Variants in MYO1D observed in about 807,000 individuals in gnomAD.
The protein encoded by MYO1D is myosin ID.
Under a neutral mutation model 122.0 loss-of-function variants are expected in MYO1D, and 83 were observed. That is an observed-to-expected ratio of 0.68 (90% CI 0.57 to 0.82). MYO1D has a LOEUF of 0.82. Ranked by LOEUF, MYO1D falls within the 40% of genes least tolerant of loss-of-function variation. The pLI, the probability that MYO1D is intolerant of heterozygous loss-of-function variation, is 0.00. For synonymous variants in MYO1D, 464 were observed against 446.9 expected, an observed-to-expected ratio of 1.04 and a Z score of -0.48; for missense variants, 1,157 against 1,269.5, an observed-to-expected ratio of 0.91 and a Z score of 1.35.
intron 21 of MYO1D, among the ~76,000 whole-genome samples, chr17:32,508,164 G>A (rs1327521538): frequency 6.6e-6 from 1 of 151,224 alleles, no homozygotes; most frequent in African/African-American, 2.4e-5. Flanking sequence ...CAAAGTGCTG[G>A]GATTCCAGGT....
At chr17:32,576,080 A>G (rs962763838) in intron 21 of MYO1D, among the ~76,000 whole-genome samples, 2 of 152,202 alleles carry the variant, frequency 1.3e-5, no homozygotes, top group African/African-American at 4.8e-5. Context: ...AGACTTCAAG[A>G]ACAAAATCAG....
chr17:32,868,602 G>A (rs1443750633), intron 1 of MYO1D, among the ~76,000 whole-genome samples: 1 of 152,124 alleles, frequency 6.6e-6, no homozygotes, highest in Non-Finnish European at 1.5e-5. Context: ...ATGGGGTCAG[G>A]GTAGGGAGGT....
intron 21 of MYO1D, among the ~76,000 whole-genome samples, chr17:32,525,287 A>T (rs112737632): frequency 0.02 from 3,093 of 152,336 alleles, 128 homozygotes; most frequent in African/African-American, 0.072. Flanking sequence ...TCTCACTGAG[A>T]GACCTGATCC....
chr17:32,726,680 G>C (rs1462237214), intron 14 of MYO1D, among the ~76,000 whole-genome samples: 1 of 148,708 alleles, frequency 6.7e-6, no homozygotes, highest in Non-Finnish European at 1.5e-5. Flanking sequence ...TATAGATACA[G>C]ATAATATAGA....
chr17:32,543,919 A>G (rs1964198), intron 21 of MYO1D, among the ~76,000 whole-genome samples: 64,725 of 151,754 alleles, frequency 0.43, 14,264 homozygotes, highest in Middle Eastern at 0.48. Context: ...CAGCCTCCCT[A>G]GTAGCTGGGA....
chr17:32,573,944 C>T (rs1263807280), intron 21 of MYO1D, among the ~76,000 whole-genome samples: 1 of 152,230 alleles, frequency 6.6e-6, no homozygotes, highest in Non-Finnish European at 1.5e-5. Context: ...CTCCGCCCCC[C>T]AGGGTTCACG....
chr17:32,853,669 T>C (rs925469341), intron 1 of MYO1D, among the ~76,000 whole-genome samples: 7 of 152,230 alleles, frequency 4.6e-5, no homozygotes, highest in Non-Finnish European at 5.9e-5. Context: ...AAACCTAGCA[T>C]ATAGTTGATG....
Position 32,771,254 on chromosome 17 carries a change from G to T in MYO1D, c.619-34C>A, listed in dbSNP as rs758572191. On this transcript the variant is annotated intron_variant, in intron 5 of 21. Coordinates refer to ENST00000318217, the MANE Select transcript of MYO1D (RefSeq NM_015194.3). ...TATTTAATTAGAAATAAATTGGCCA[G>T]ACATACATTGAACCAAACATGAACT... 10 of 1,461,998 alleles carry T rather than the reference G, an allele frequency of 6.8e-6. No homozygotes were observed. The South Asian group carries it at 1.1e-4, about 15-fold the overall frequency. The allele number at this position is 1,461,998 out of a possible 1,614,324, so 90.6% of individuals were successfully genotyped here.
intron 21 of MYO1D, among the ~76,000 whole-genome samples, chr17:32,603,157 AC>A (rs1236397031): frequency 6.6e-6 from 1 of 152,164 alleles, no homozygotes; most frequent in Admixed American, 6.5e-5. Context: ...AAAAATCCTT[AC>A]ATACATTAAA....
At chr17:32,546,560 T>C (rs1451772222) in intron 21 of MYO1D, among the ~76,000 whole-genome samples, 1 of 152,258 alleles carries the variant, frequency 6.6e-6, no homozygotes, top group Non-Finnish European at 1.5e-5. Flanking sequence ...AATTCCTATG[T>C]GCTGGCTGCT....
intron 16 of MYO1D, among the ~76,000 whole-genome samples, chr17:32,710,077 C>T (rs1339649961): frequency 6.6e-6 from 1 of 152,048 alleles, no homozygotes. Context: ...TAAACTTATG[C>T]ACTTAAAATG....
chr17:32,687,959 G>A (rs1206863506), intron 16 of MYO1D, among the ~76,000 whole-genome samples: 1 of 152,090 alleles, frequency 6.6e-6, no homozygotes, highest in East Asian at 1.9e-4. Flanking sequence ...GAAGAGATCA[G>A]ACACATCTGC....
At chr17:32,649,985 T>C (rs1207323683) in intron 19 of MYO1D, among the ~76,000 whole-genome samples, 1 of 152,232 alleles carries the variant, frequency 6.6e-6, no homozygotes, top group African/African-American at 2.4e-5. Flanking sequence ...AATTACCTTT[T>C]AAAGACATTT....
chr17:32,698,773 T>C (rs2089207326), intron 16 of MYO1D, among the ~76,000 whole-genome samples: 1 of 152,176 alleles, frequency 6.6e-6, no homozygotes, highest in Non-Finnish European at 1.5e-5. Context: ...GTTTATGCTT[T>C]AATGAGCCAC....
intron 1 of MYO1D, among the ~76,000 whole-genome samples, 192 bp downstream of exon 1, chr17:32,876,586 C>G (rs1027080373): frequency 2.0e-5 from 3 of 152,170 alleles, no homozygotes; most frequent in Non-Finnish European, 2.9e-5. Flanking sequence ...AAAGCGGCCG[C>G]ACCCCAGGGG....
chr17:32,662,794 TAATACATACGC>T (rs1264239083), intron 16 of MYO1D, among the ~76,000 whole-genome samples: 6 of 152,170 alleles, frequency 3.9e-5, no homozygotes, highest in African/African-American at 1.4e-4. Flanking sequence ...TTAATGGAGT[TAATACATACGC>T]AACACTTAAA....
intron 4 of MYO1D, among the ~76,000 whole-genome samples, chr17:32,774,898 T>A (rs1453857660): frequency 6.6e-6 from 1 of 152,170 alleles, no homozygotes; most frequent in Non-Finnish European, 1.5e-5. Flanking sequence ...TCGGCTTAGA[T>A]CTGTATGAAT....
At chr17:32,719,379 T>A (rs1350351833) in intron 15 of MYO1D, among the ~76,000 whole-genome samples, 1 of 143,012 alleles carries the variant, frequency 7.0e-6, no homozygotes, top group Non-Finnish European at 1.5e-5. Context: ...AGACGGAGTC[T>A]CGCTCTGTCA....
chr17:32,660,526 T>G (rs1194174238), intron 16 of MYO1D, among the ~76,000 whole-genome samples: 1 of 152,242 alleles, frequency 6.6e-6, no homozygotes, highest in Non-Finnish European at 1.5e-5. Context: ...GTGCTTGCAG[T>G]GTTCTCCCTT....
Sources: allele counts gnomAD v4.1 joint callset (sites outside exome capture counted in the v4.1 genomes callset), GRCh38; gene constraint gnomAD v4.1.1; transcripts MANE v1.5; gene names NCBI Gene and HGNC (gene_info 2026-07-23, HGNC 2026-07-21).